Variants in RALGAPA2 observed in about 807,000 individuals in gnomAD.
RALGAPA2 encodes the protein ral GTPase-activating protein subunit alpha-2.
RALGAPA2 carries 139 observed loss-of-function variants against 230.4 expected under a neutral mutation model. That is an observed-to-expected ratio of 0.60 (90% CI 0.53 to 0.69). The LOEUF is 0.69. Ranked by LOEUF, RALGAPA2 falls within the 30% of genes least tolerant of loss-of-function variation. The probability of loss-of-function intolerance (pLI) is 0.00; values close to 1 mark genes in which losing one functional copy is unlikely to be tolerated. For synonymous variants in RALGAPA2, 847 were observed against 837.8 expected (o/e 1.01, Z -0.19); for missense variants, 2,163 against 2,276.0 (o/e 0.95, Z 1.01).
chr20:20,574,594 C>A (rs1430544420), intron 20 of RALGAPA2, among the ~76,000 whole-genome samples: 1 of 152,128 alleles, frequency 6.6e-6, no homozygotes, highest in East Asian at 1.9e-4. Flanking sequence ...GACACACAGG[C>A]ACCACTTAAA....
chr20:20,628,705 C>T (rs2066571496), intron 10 of RALGAPA2, among the ~76,000 whole-genome samples: 2 of 152,316 alleles, frequency 1.3e-5, no homozygotes, highest in South Asian at 4.1e-4. Flanking sequence ...TGTTTCCAGA[C>T]ATTGCTAATG....
At chr20:20,634,601 G>A (rs561929931) in intron 9 of RALGAPA2, among the ~76,000 whole-genome samples, 1 of 152,318 alleles carries the variant, frequency 6.6e-6, no homozygotes, top group African/African-American at 2.4e-5. Context: ...CCTCAGGTCT[G>A]TGCATTCTTT....
At chr20:20,606,486 T>G (rs908312214) in intron 14 of RALGAPA2, among the ~76,000 whole-genome samples, 9 of 152,230 alleles carry the variant, frequency 5.9e-5, no homozygotes, top group Admixed American at 5.9e-4. Context: ...TTTCTCTCAG[T>G]GCCTTCACCT....
At chr20:20,555,240 C>G (rs570646554) in intron 23 of RALGAPA2, among the ~76,000 whole-genome samples, 1 of 152,172 alleles carries the variant, frequency 6.6e-6, no homozygotes, top group African/African-American at 2.4e-5. Context: ...TATGGGCTTA[C>G]GAGTTTACTT....
chr20:20,596,781 T>A (rs1037313527), intron 16 of RALGAPA2, among the ~76,000 whole-genome samples: 1 of 152,200 alleles, frequency 6.6e-6, no homozygotes, highest in Non-Finnish European at 1.5e-5. Flanking sequence ...TGACTTAGGA[T>A]TTCTCAGCCT....
chr20:20,579,130 T>A (rs1432958604), intron 20 of RALGAPA2, among the ~76,000 whole-genome samples: 1 of 152,058 alleles, frequency 6.6e-6, no homozygotes. Context: ...GGCAAAAAAA[T>A]TTCTGTAACA....
At chr20:20,544,591 T>C (rs1186579557) in intron 24 of RALGAPA2, among the ~76,000 whole-genome samples, 3 of 152,136 alleles carry the variant, frequency 2.0e-5, no homozygotes, top group Non-Finnish European at 4.4e-5. Flanking sequence ...TGCAGCACTA[T>C]TTACCATAGC....
At chr20:20,470,271 C>A (rs116607899) in intron 37 of RALGAPA2, among the ~76,000 whole-genome samples, 2 of 152,126 alleles carry the variant, frequency 1.3e-5, no homozygotes, top group Non-Finnish European at 2.9e-5. Context: ...TTAAACATAG[C>A]GAACAAAATT....
At chr20:20,533,603 G>T (rs1028802373) in intron 26 of RALGAPA2, among the ~76,000 whole-genome samples, 2 of 152,030 alleles carry the variant, frequency 1.3e-5, no homozygotes, top group Non-Finnish European at 2.9e-5. Flanking sequence ...AAATCAGACA[G>T]GATACAGAAT....
intron 10 of RALGAPA2, among the ~76,000 whole-genome samples, chr20:20,622,004 A>G (rs140026329): frequency 1.3e-5 from 2 of 152,376 alleles, no homozygotes; most frequent in African/African-American, 4.8e-5. Flanking sequence ...ACTTTAACAA[A>G]GCTTCATGCA....
intron 36 of RALGAPA2, among the ~76,000 whole-genome samples, chr20:20,486,726 T>G (rs1030625066): frequency 3.3e-5 from 5 of 152,226 alleles, no homozygotes; most frequent in African/African-American, 1.2e-4. Context: ...CTTTTGTGAT[T>G]GTCACACAGG....
At chr20:20,667,443 A>T (rs150261662) in intron 3 of RALGAPA2, among the ~76,000 whole-genome samples, 52 of 152,298 alleles carry the variant, frequency 3.4e-4, no homozygotes, top group Non-Finnish European at 6.2e-4. Flanking sequence ...CAGCCATCCA[A>T]TCCAGCATAA....
At chr20:20,539,040 G>C (rs1227177362) in intron 24 of RALGAPA2, among the ~76,000 whole-genome samples, 1 of 152,126 alleles carries the variant, frequency 6.6e-6, no homozygotes, top group African/African-American at 2.4e-5. Flanking sequence ...TGTTTTCATT[G>C]TATATAATAA....
chr20:20,512,244 C>CACACACACACACAT (rs1556256277), intron 32 of RALGAPA2, among the ~76,000 whole-genome samples: 38 of 148,470 alleles, frequency 2.6e-4, no homozygotes, highest in African/African-American at 9.3e-4. Flanking sequence ...CACACATACA[C>CACACACACACACAT]ACACACACAC....
chr20:20,565,560 G>GT (rs1010138892), intron 23 of RALGAPA2, among the ~76,000 whole-genome samples: 1 of 152,172 alleles, frequency 6.6e-6, no homozygotes, highest in African/African-American at 2.4e-5. Flanking sequence ...AGAGGGGGTT[G>GT]TAACACCCGT....
At chr20:20,650,593 C>A (rs2067365265) in intron 4 of RALGAPA2, among the ~76,000 whole-genome samples, 1 of 152,182 alleles carries the variant, frequency 6.6e-6, no homozygotes, top group African/African-American at 2.4e-5. Flanking sequence ...GGAGTGTCCT[C>A]CCTAGTAGGT....
At chr20:20,692,077 G>A (rs1403044944) in intron 1 of RALGAPA2, among the ~76,000 whole-genome samples, 1 of 152,104 alleles carries the variant, frequency 6.6e-6, no homozygotes, top group Non-Finnish European at 1.5e-5. Flanking sequence ...CTCAAAAGAG[G>A]AAGATGCTGG....
intron 18 of RALGAPA2, 117 bp from the exon 19 acceptor site, chr20:20,585,072 A>T: frequency 3.6e-6 from 2 of 557,326 alleles, no homozygotes; most frequent in Non-Finnish European, 6.1e-6. Flanking sequence ...TAGCTAAATA[A>T]ATTGATGTTT....
chr20:20,702,374 A>AAGGCAGGGAGAGGATT (rs1460325279), intron 1 of RALGAPA2, among the ~76,000 whole-genome samples: 1 of 152,160 alleles, frequency 6.6e-6, no homozygotes, highest in Non-Finnish European at 1.5e-5. Flanking sequence ...GGAGCTGGTG[A>AAGGCAGGGAGAGGATT]AGGCAGGGAG....
Sources: gnomAD v4.1 joint callset for allele counts (sites outside exome capture counted in the v4.1 genomes callset) on GRCh38, gnomAD v4.1.1 for gene constraint, MANE v1.5 for transcripts, NCBI Gene and HGNC (gene_info 2026-07-23, HGNC 2026-07-21) for gene names.